The following GRIA1 variants were observed in gnomAD, a reference collection of about 807,000 sequenced individuals.
The protein encoded by GRIA1 is glutamate ionotropic receptor AMPA type subunit 1.
Under a neutral mutation model 99.2 loss-of-function variants are expected in GRIA1, and 31 were observed. The ratio of observed to expected loss-of-function variants is 0.31; its 90% CI spans 0.23 to 0.42. GRIA1 has a LOEUF of 0.42. Among genes scored for constraint, GRIA1 ranks in the 10% least tolerant of loss-of-function variants. The pLI is 1.00. For synonymous variants in GRIA1, 438 were observed against 432.4 expected (o/e 1.01, Z -0.16); for missense variants, 782 against 1,157.5 (o/e 0.68, Z 4.71).
At chr5:153,766,879 G>A (rs535683531) in intron 12 of GRIA1, among the ~76,000 whole-genome samples, 2 of 152,248 alleles carry the variant, frequency 1.3e-5, no homozygotes, top group African/African-American at 4.8e-5. Flanking sequence ...ACTGCCTCTT[G>A]TCCACAGCAC....
intron 2 of GRIA1, among the ~76,000 whole-genome samples, chr5:153,530,937 T>C (rs1321587009): frequency 6.6e-6 from 1 of 152,200 alleles, no homozygotes; most frequent in Non-Finnish European, 1.5e-5. Context: ...AGCTCTGCTC[T>C]TAAAATAAGC....
At chr5:153,705,574 T>C in intron 10 of GRIA1, 123 bp from the exon 11 acceptor site, 2 of 1,286,338 alleles carry the variant, frequency 1.6e-6, no homozygotes, top group Non-Finnish European at 2.0e-6. Flanking sequence ...AAAGGTTCTT[T>C]CCCACTCTCA....
chr5:153,630,105 A>G (rs1213845066), intron 2 of GRIA1, among the ~76,000 whole-genome samples: 6 of 152,212 alleles, frequency 3.9e-5, no homozygotes, highest in South Asian at 2.1e-4. Context: ...CTTTTGTTAA[A>G]TGGCAATAAT....
chr5:153,604,494 A>G (rs1765276245), intron 2 of GRIA1, among the ~76,000 whole-genome samples: 1 of 152,220 alleles, frequency 6.6e-6, no homozygotes, highest in Non-Finnish European at 1.5e-5. Context: ...AGGCAAAACT[A>G]TATAGCACAC....
At chr5:153,785,825 A>C (rs1042157648) in intron 13 of GRIA1, among the ~76,000 whole-genome samples, 6 of 152,218 alleles carry the variant, frequency 3.9e-5, no homozygotes, top group African/African-American at 1.2e-4. Flanking sequence ...TCAAGTAGCA[A>C]TTATCAGAGG....
At chr5:153,738,570 C>T (rs62383408) in intron 11 of GRIA1, among the ~76,000 whole-genome samples, 4 of 152,114 alleles carry the variant, frequency 2.6e-5, no homozygotes, top group Non-Finnish European at 4.4e-5. Flanking sequence ...TCCTCACCCC[C>T]TGCATCCAAT....
chr5:153,538,491 A>C (rs1758784107), intron 2 of GRIA1, among the ~76,000 whole-genome samples: 1 of 152,060 alleles, frequency 6.6e-6, no homozygotes, highest in Admixed American at 6.5e-5. Flanking sequence ...ATCTGCCCTC[A>C]TCCCACCTCC....
intron 2 of GRIA1, among the ~76,000 whole-genome samples, chr5:153,532,985 G>C (rs1403248900): frequency 1.3e-5 from 2 of 152,184 alleles, no homozygotes; most frequent in Non-Finnish European, 2.9e-5. Context: ...GTTAATTATG[G>C]TTGTTAGTAA....
chr5:153,750,344 A>G (rs974369765), intron 11 of GRIA1, among the ~76,000 whole-genome samples: 1 of 152,058 alleles, frequency 6.6e-6, no homozygotes, highest in Non-Finnish European at 1.5e-5. Context: ...TCCTTTTTAT[A>G]AATAGCCATT....
chr5:153,719,130 T>C (rs1466042050), intron 11 of GRIA1, among the ~76,000 whole-genome samples: 1 of 152,174 alleles, frequency 6.6e-6, no homozygotes, highest in Non-Finnish European at 1.5e-5. Context: ...ATATTGGCTT[T>C]GCAGGAATTG....
At chr5:153,511,128 T>C (rs1301910674) in intron 2 of GRIA1, among the ~76,000 whole-genome samples, 1 of 152,234 alleles carries the variant, frequency 6.6e-6, no homozygotes, top group Non-Finnish European at 1.5e-5. Context: ...CGGGTCTGAT[T>C]GCTTGGTGAG....
chr5:153,669,579 T>C (rs2149480028), intron 5 of GRIA1, among the ~76,000 whole-genome samples: 1 of 152,326 alleles, frequency 6.6e-6, no homozygotes, highest in South Asian at 2.1e-4. Flanking sequence ...TAAGATACAT[T>C]AGAGCTATCT....
At chr5:153,644,338 G>T (rs1329932189) in intron 2 of GRIA1, among the ~76,000 whole-genome samples, 1 of 152,164 alleles carries the variant, frequency 6.6e-6, no homozygotes, top group Non-Finnish European at 1.5e-5. Flanking sequence ...AGTGTGAGTG[G>T]CAGAGGATAA....
chr5:153,694,252 G>A (rs931707106), intron 8 of GRIA1, among the ~76,000 whole-genome samples: 1 of 151,948 alleles, frequency 6.6e-6, no homozygotes, highest in Non-Finnish European at 1.5e-5. Context: ...GGCTTACACA[G>A]ATTCATCTTG....
At chr5:153,749,545 A>G (rs1762377354) in intron 11 of GRIA1, among the ~76,000 whole-genome samples, 1 of 152,136 alleles carries the variant, frequency 6.6e-6, no homozygotes, top group African/African-American at 2.4e-5. Flanking sequence ...AGAGAGGAAG[A>G]TGCCAGGCTC....
At chr5:153,755,357 C>T (rs1236146785) in intron 11 of GRIA1, 1 of 152,276 alleles carries the variant, frequency 6.6e-6, no homozygotes, top group Non-Finnish European at 1.5e-5. Context: ...AGTTCACTCT[C>T]AAGTGACATC....
At chr5:153,769,002 T>C (rs1434981699) in intron 12 of GRIA1, among the ~76,000 whole-genome samples, 1 of 152,178 alleles carries the variant, frequency 6.6e-6, no homozygotes, top group Non-Finnish European at 1.5e-5. Flanking sequence ...ACTAAGGGCC[T>C]ACCATGTGCA....
At chr5:153,766,038 G>A (rs889411232) in intron 12 of GRIA1, among the ~76,000 whole-genome samples, 4 of 152,146 alleles carry the variant, frequency 2.6e-5, no homozygotes, top group Middle Eastern at 3.2e-3. Flanking sequence ...TCCAGGCCCC[G>A]AACAAACCAC....
chr5:153,763,335 G>A lies in GRIA1; in HGVS notation c.1824-1099G>A, dbSNP rs116647387. 4.7e-3 allele frequency among the ~76,000 whole-genome samples: 710 copies of A among 152,246 alleles called. 5 individuals carry two copies. Among genetic ancestry groups the A allele is most frequent in the Non-Finnish European group, 7.1e-3 (482 of 68,012 alleles). Reference sequence around the variant, plus strand: ...GCACAGTAGACTCTTGGGTTTCTTGGTAAAACTCATGGGTTGCATTGGTGA... The same window carrying A: ...GCACAGTAGACTCTTGGGTTTCTTGATAAAACTCATGGGTTGCATTGGTGA... On this transcript the variant is annotated intron_variant, in intron 11 of 15. Transcript: ENST00000285900.
Sources: gnomAD v4.1 joint callset for allele counts (sites outside exome capture counted in the v4.1 genomes callset) on GRCh38, gnomAD v4.1.1 for gene constraint, MANE v1.5 for transcripts, NCBI Gene and HGNC (gene_info 2026-07-23, HGNC 2026-07-21) for gene names.